CDK14: variants seen among roughly 807,000 people sequenced by gnomAD.
CDK14 encodes the protein cyclin dependent kinase 14.
CDK14 carries 34 observed loss-of-function variants against 60.7 expected under a neutral mutation model. The observed-to-expected ratio is 0.56, with a 90% CI of 0.43 to 0.75. The LOEUF is 0.75. Ranked by LOEUF, CDK14 falls within the 30% of genes least tolerant of loss-of-function variation. The pLI is 0.00. For synonymous variants in CDK14, 197 were observed against 203.7 expected (o/e 0.97, Z 0.28); for missense variants, 482 against 564.1 (o/e 0.85, Z 1.47).
chr7:91,201,864 A>T (rs1475025326), intron 14 of CDK14, among the ~76,000 whole-genome samples: 1 of 152,204 alleles, frequency 6.6e-6, no homozygotes. Flanking sequence ...TCAAATCAGA[A>T]ATGCATGAAG....
At chr7:90,677,671 A>G (rs894200609) in intron 2 of CDK14, among the ~76,000 whole-genome samples, 1 of 145,198 alleles carries the variant, frequency 6.9e-6, no homozygotes, top group Non-Finnish European at 1.5e-5. Flanking sequence ...CCTTGTGAAT[A>G]GGAGGAGGAA....
chr7:90,598,153 T>C (rs1397640594), intron 1 of CDK14, among the ~76,000 whole-genome samples: 1 of 152,228 alleles, frequency 6.6e-6, no homozygotes. Context: ...ACACATTAAC[T>C]ATATATTTAC....
chr7:90,734,435 T>G (rs1291965541), intron 3 of CDK14, among the ~76,000 whole-genome samples: 3 of 152,236 alleles, frequency 2.0e-5, no homozygotes, highest in African/African-American at 7.2e-5. Context: ...CCCCGTCACT[T>G]TCAGGTACAT....
rs77434672 is a variant in CDK14 at position 91,116,159 on chromosome 7, A to G, written c.1295-1906A>G. 6.6e-5 allele frequency among the ~76,000 whole-genome samples: 10 copies of G among 152,352 alleles called. No individual in the cohort carries two copies. The East Asian group carries it at 1.9e-3, about 29-fold the overall frequency. On this transcript the variant is annotated intron_variant, in intron 13 of 14. Coordinates refer to ENST00000380050, the MANE Select transcript of CDK14 (RefSeq NM_001287135.2). The stretch of plus-strand genomic sequence containing the variant: ...TACACCACAGGGCATTCTCCTGCAT[A>G]TACTATCAAGTTACATAAATAATTG...
chr7:90,955,137 G>A (rs538267282), intron 8 of CDK14, among the ~76,000 whole-genome samples: 115 of 152,100 alleles, frequency 7.6e-4, no homozygotes, highest in African/African-American at 2.6e-3. Context: ...TTATTTAGAT[G>A]TTTTTTCAAA....
chr7:90,811,981 G>A (rs1406011050), intron 5 of CDK14, among the ~76,000 whole-genome samples: 1 of 152,194 alleles, frequency 6.6e-6, no homozygotes, highest in Non-Finnish European at 1.5e-5. Flanking sequence ...GTGCTGGAGA[G>A]GATGTGGAGA....
intron 11 of CDK14, among the ~76,000 whole-genome samples, chr7:91,059,673 A>G (rs1420562543): frequency 2.0e-5 from 3 of 152,218 alleles, no homozygotes. Flanking sequence ...CCCAGTAGTC[A>G]TTCAGGAGCA....
At chr7:91,008,741 G>A (rs1208848802) in intron 10 of CDK14, among the ~76,000 whole-genome samples, 1 of 151,986 alleles carries the variant, frequency 6.6e-6, no homozygotes, top group African/African-American at 2.4e-5. Context: ...TTTAAAAGAG[G>A]GTATTGAGTT....
intron 5 of CDK14, among the ~76,000 whole-genome samples, chr7:90,808,176 A>G (rs1264809171): frequency 6.6e-6 from 1 of 152,206 alleles, no homozygotes; most frequent in Non-Finnish European, 1.5e-5. Context: ...GGTTCACCAA[A>G]GTTGAAATGA....
intron 10 of CDK14, among the ~76,000 whole-genome samples, chr7:91,020,326 C>T (rs1477283569): frequency 6.6e-6 from 1 of 152,214 alleles, no homozygotes; most frequent in African/African-American, 2.4e-5. Flanking sequence ...CTCCAAGCCT[C>T]AGATTCTCAA....
At chr7:91,155,004 G>A (rs923587660) in intron 14 of CDK14, among the ~76,000 whole-genome samples, 2 of 152,168 alleles carry the variant, frequency 1.3e-5, no homozygotes, top group African/African-American at 4.8e-5. Flanking sequence ...GTGGGAGATG[G>A]ACACAGGCTA....
At chr7:90,634,535 T>A (rs1337117163) in intron 2 of CDK14, among the ~76,000 whole-genome samples, 1 of 151,998 alleles carries the variant, frequency 6.6e-6, no homozygotes, top group Non-Finnish European at 1.5e-5. Context: ...TCTATCATTG[T>A]TGGACATTTG....
intron 4 of CDK14, among the ~76,000 whole-genome samples, chr7:90,785,097 T>C (rs1319385385): frequency 6.6e-6 from 1 of 152,230 alleles, no homozygotes; most frequent in African/African-American, 2.4e-5. Context: ...GCACTTGGTA[T>C]TATTTTCCTT....
chr7:91,010,829 C>CTTCCTTCCTTCCTTCCTTCCTTCT lies in CDK14; in HGVS notation c.1041+26593_1041+26594insTCCTTCCTTCCTTCCTTCTTTCCT, dbSNP rs1199154651. Among the ~76,000 whole-genome samples the CTTCCTTCCTTCCTTCCTTCCTTCT allele has an allele frequency of 2.0e-3, 146 of 74,830 alleles. 4 individuals are homozygous for CTTCCTTCCTTCCTTCCTTCCTTCT. The highest frequency in any genetic ancestry group is 7.1e-3 in the African/African-American group (137 of 19,344). The allele number at this position is 74,830 out of a possible 152,430, so 49.1% of individuals were successfully genotyped here. ...CCTTCCTTCCTTCCTTCCTTCCTTCCTTCCTCCCTCCCTCCCTCCCTCCCT... is the reference window on the plus strand; with the variant it reads ...CCTTCCTTCCTTCCTTCCTTCCTTCCTTCCTTCCTTCCTTCCTTCCTTCTTTCCTCCCTCCCTCCCTCCCTCCCT... On this transcript the variant is annotated intron_variant, in intron 10 of 14. Transcript: ENST00000380050.
At chr7:90,676,892 C>A (rs902153808) in intron 2 of CDK14, among the ~76,000 whole-genome samples, 1 of 151,764 alleles carries the variant, frequency 6.6e-6, no homozygotes, top group African/African-American at 2.4e-5. Context: ...ACAGCTAAAG[C>A]CAAAGAAACT....
intron 2 of CDK14, among the ~76,000 whole-genome samples, chr7:90,653,491 A>G (rs1284193589): frequency 6.6e-6 from 1 of 150,476 alleles, no homozygotes. Flanking sequence ...CCTAGGAACC[A>G]CTCCTTGACC....
At chr7:90,900,136 G>A (rs878978053) in intron 7 of CDK14, among the ~76,000 whole-genome samples, 4 of 152,038 alleles carry the variant, frequency 2.6e-5, no homozygotes, top group South Asian at 2.1e-4. Flanking sequence ...TACCATAGTC[G>A]AATCACCTGG....
At chr7:90,850,619 G>A (rs962776600) in intron 5 of CDK14, among the ~76,000 whole-genome samples, 4 of 152,152 alleles carry the variant, frequency 2.6e-5, no homozygotes, top group Admixed American at 6.5e-5. Context: ...GAACAGAAAG[G>A]ACAATGTCTC....
chr7:90,775,320 A>T (rs922017779), intron 4 of CDK14, among the ~76,000 whole-genome samples: 2 of 152,206 alleles, frequency 1.3e-5, no homozygotes, highest in Non-Finnish European at 2.9e-5. Flanking sequence ...TTTGATTTTT[A>T]GATACAGTAT....
Sources: gnomAD v4.1 joint callset for allele counts (sites outside exome capture counted in the v4.1 genomes callset) on GRCh38, gnomAD v4.1.1 for gene constraint, MANE v1.5 for transcripts, NCBI Gene and HGNC (gene_info 2026-07-23, HGNC 2026-07-21) for gene names.